KCNIP4: variants seen among roughly 807,000 people sequenced by gnomAD.
The protein encoded by KCNIP4 is potassium voltage-gated channel interacting protein 4.
A neutral mutation model predicts 34.0 loss-of-function variants in KCNIP4; 12 were observed. That is an observed-to-expected ratio of 0.35 (90% CI 0.23 to 0.57). The LOEUF is 0.57. Ranked by LOEUF, KCNIP4 falls within the 20% of genes least tolerant of loss-of-function variation. KCNIP4 has a pLI of 0.83. For synonymous variants in KCNIP4, 124 were observed against 102.2 expected, an observed-to-expected ratio of 1.21 and a Z score of -1.29; for missense variants, 238 against 311.7, an observed-to-expected ratio of 0.76 and a Z score of 1.78.
intron 3 of KCNIP4, among the ~76,000 whole-genome samples, chr4:20,803,560 G>C (rs1364031735): frequency 6.6e-6 from 1 of 150,772 alleles, no homozygotes; most frequent in East Asian, 2.0e-4. Context: ...GGGAGATTGA[G>C]GTTGGGAGGA....
At chr4:21,808,167 TC>T (rs1721416095) in intron 1 of KCNIP4, among the ~76,000 whole-genome samples, 1 of 152,172 alleles carries the variant, frequency 6.6e-6, no homozygotes. Context: ...TTTGATATTG[TC>T]ACATCCCAAC....
chr4:21,270,988 A>C (rs1017683166), intron 1 of KCNIP4, among the ~76,000 whole-genome samples: 16 of 133,916 alleles, frequency 1.2e-4, no homozygotes, highest in Non-Finnish European at 2.0e-4. Context: ...CCTGTCCCCA[A>C]AAAAAAAAAA....
At chr4:21,025,711 G>A (rs34952884) in intron 1 of KCNIP4, among the ~76,000 whole-genome samples, 31,231 of 151,050 alleles carry the variant, frequency 0.21, 3,533 homozygotes, top group Non-Finnish European at 0.27. Context: ...CCACCACCAC[G>A]CCCGGCTAAT....
At chr4:21,587,733 C>G (rs770946037) in intron 1 of KCNIP4, among the ~76,000 whole-genome samples, 5 of 152,012 alleles carry the variant, frequency 3.3e-5, no homozygotes, top group Non-Finnish European at 5.9e-5. Context: ...TTGTGTTTGC[C>G]ATGTTCATAG....
chr4:20,863,126 G>A (rs190700407), intron 2 of KCNIP4, among the ~76,000 whole-genome samples: 42 of 152,248 alleles, frequency 2.8e-4, no homozygotes, highest in Admixed American at 2.3e-3. Context: ...TTCATGCAAA[G>A]CCAGCTTTGT....
intron 1 of KCNIP4, among the ~76,000 whole-genome samples, chr4:21,061,022 C>G (rs1743870534): frequency 6.6e-6 from 1 of 151,962 alleles, no homozygotes; most frequent in Non-Finnish European, 1.5e-5. Flanking sequence ...TTTAAATGAT[C>G]GAATAGAATT....
chr4:21,107,295 C>A (rs28877962), intron 1 of KCNIP4, among the ~76,000 whole-genome samples: 17,263 of 113,662 alleles, frequency 0.15, 1,751 homozygotes, highest in African/African-American at 0.23. Flanking sequence ...TATTGGGTGC[C>A]TCTATATTTA....
chr4:20,991,017 AT>A (rs1737037002), intron 1 of KCNIP4, among the ~76,000 whole-genome samples: 1 of 152,198 alleles, frequency 6.6e-6, no homozygotes, highest in Admixed American at 6.5e-5. Context: ...AGAATAACTA[AT>A]CATTAACCCC....
At chr4:21,241,089 T>C (rs527815471) in intron 1 of KCNIP4, among the ~76,000 whole-genome samples, 2 of 152,226 alleles carry the variant, frequency 1.3e-5, no homozygotes, top group African/African-American at 4.8e-5. Context: ...GTTTTGTTGC[T>C]AAAGAATATT....
At chr4:20,734,030 T>C (rs1473932642) in intron 6 of KCNIP4, among the ~76,000 whole-genome samples, 1 of 152,210 alleles carries the variant, frequency 6.6e-6, no homozygotes, top group African/African-American at 2.4e-5. Context: ...ACACTGAGAA[T>C]GCCCAGGATT....
chr4:20,730,209 T>A (rs1343562698), intron 8 of KCNIP4, 80 bp from the exon 9 acceptor site: 1 of 1,477,118 alleles, frequency 6.8e-7, no homozygotes, highest in Non-Finnish European at 9.0e-7. Context: ...GAGTATTGCC[T>A]CCTCCCATCA....
At chr4:20,789,707 G>A (rs944737000) in intron 3 of KCNIP4, among the ~76,000 whole-genome samples, 28 of 151,578 alleles carry the variant, frequency 1.8e-4, no homozygotes, top group African/African-American at 6.6e-4. Flanking sequence ...GCACAGGTTA[G>A]TTTTCCTGGC....
At chr4:21,183,996 G>C (rs544781184) in intron 1 of KCNIP4, among the ~76,000 whole-genome samples, 2 of 152,056 alleles carry the variant, frequency 1.3e-5, no homozygotes, top group African/African-American at 4.8e-5. Context: ...ACCAAAAATT[G>C]TTGTTTATTA....
intron 1 of KCNIP4, among the ~76,000 whole-genome samples, chr4:21,912,887 G>A (rs1339676688): frequency 4.0e-5 from 6 of 150,892 alleles, no homozygotes. Flanking sequence ...AGAAGCCATT[G>A]AAATTCTTTT....
intron 1 of KCNIP4, among the ~76,000 whole-genome samples, chr4:21,056,430 C>G (rs1743407552): frequency 6.6e-6 from 1 of 152,174 alleles, no homozygotes; most frequent in Admixed American, 6.5e-5. Flanking sequence ...CATATAATCT[C>G]TATCATCTGC....
At chr4:21,732,509 A>C (rs1447338273) in intron 1 of KCNIP4, among the ~76,000 whole-genome samples, 3 of 152,180 alleles carry the variant, frequency 2.0e-5, no homozygotes, top group Non-Finnish European at 4.4e-5. Flanking sequence ...AAAATAGTTA[A>C]TCTTGCCCAA....
chr4:20,905,500 G>A (rs377600980), intron 1 of KCNIP4, among the ~76,000 whole-genome samples: 12 of 63,126 alleles, frequency 1.9e-4, no homozygotes, highest in African/African-American at 7.0e-4. Context: ...GTAGTTGAAC[G>A]TTTTCTTTCT....
intron 1 of KCNIP4, among the ~76,000 whole-genome samples, chr4:20,956,805 G>A (rs923140123): frequency 6.6e-6 from 1 of 152,190 alleles, no homozygotes; most frequent in Non-Finnish European, 1.5e-5. Flanking sequence ...ACAAATTTAT[G>A]AGATGCTGGA....
At chr4:21,215,457 T>C (rs1002356384) in intron 1 of KCNIP4, among the ~76,000 whole-genome samples, 2 of 152,226 alleles carry the variant, frequency 1.3e-5, no homozygotes, top group African/African-American at 4.8e-5. Context: ...TTCTTTATCC[T>C]TTGAAACTCC....
Sources: gnomAD v4.1 joint callset for allele counts (sites outside exome capture counted in the v4.1 genomes callset) on GRCh38, gnomAD v4.1.1 for gene constraint, MANE v1.5 for transcripts, NCBI Gene and HGNC (gene_info 2026-07-23, HGNC 2026-07-21) for gene names.